NOS1AP: variants seen among roughly 807,000 people sequenced by gnomAD.
The protein encoded by NOS1AP is carboxyl-terminal PDZ ligand of neuronal nitric oxide synthase protein.
NOS1AP carries 21 observed loss-of-function variants against 56.2 expected under a neutral mutation model. The ratio of observed to expected loss-of-function variants is 0.37; its 90% CI spans 0.26 to 0.54. NOS1AP has a LOEUF of 0.54. NOS1AP is among the 20% of genes least tolerant of loss of function. The pLI is 0.84. For missense variants in NOS1AP, 522 were observed against 657.8 expected, an observed-to-expected ratio of 0.79 and a Z score of 2.26; for synonymous variants, 270 against 274.6, an observed-to-expected ratio of 0.98 and a Z score of 0.17.
At chr1:162,297,009 G>A (rs1655487694) in intron 3 of NOS1AP, among the ~76,000 whole-genome samples, 1 of 152,184 alleles carries the variant, frequency 6.6e-6, no homozygotes, top group Non-Finnish European at 1.5e-5. Flanking sequence ...TCAATGATTG[G>A]GTGATTTAAT....
intron 2 of NOS1AP, among the ~76,000 whole-genome samples, chr1:162,221,534 GCACACACACACACA>G (rs35920520): frequency 2.7e-5 from 2 of 73,396 alleles, no homozygotes; most frequent in African/African-American, 6.7e-5. Context: ...ACACACGCGC[GCACACACACACACA>G]CACACACACA....
intron 2 of NOS1AP, among the ~76,000 whole-genome samples, chr1:162,242,577 G>A (rs752405418): frequency 3.3e-5 from 5 of 152,160 alleles, no homozygotes; most frequent in Non-Finnish European, 4.4e-5. Context: ...TGCAGCCCTA[G>A]CCAACATCTT....
intron 6 of NOS1AP, among the ~76,000 whole-genome samples, chr1:162,346,540 C>T (rs1193819998): frequency 6.6e-6 from 1 of 152,144 alleles, no homozygotes; most frequent in Non-Finnish European, 1.5e-5. Flanking sequence ...TATGTATACA[C>T]ATGCATGCAC....
intron 5 of NOS1AP, among the ~76,000 whole-genome samples, chr1:162,335,944 A>G (rs145347335): frequency 2.4e-4 from 37 of 152,216 alleles, no homozygotes; most frequent in African/African-American, 8.4e-4. Context: ...CTCTGTACCT[A>G]TGGATCTTCC....
chr1:162,305,508 T>C (rs1655797149), intron 4 of NOS1AP, among the ~76,000 whole-genome samples: 1 of 152,188 alleles, frequency 6.6e-6, no homozygotes, highest in Non-Finnish European at 1.5e-5. Flanking sequence ...TTGTTTTCCA[T>C]TTATCCTAGC....
intron 2 of NOS1AP, among the ~76,000 whole-genome samples, chr1:162,225,543 T>G (rs555304139): frequency 2.0e-4 from 30 of 152,300 alleles, no homozygotes; most frequent in African/African-American, 7.0e-4. Context: ...TTTTTGAATA[T>G]TATAAATTAA....
chr1:162,197,862 G>A (rs995445198), intron 2 of NOS1AP, among the ~76,000 whole-genome samples: 3 of 152,342 alleles, frequency 2.0e-5, no homozygotes, highest in Non-Finnish European at 4.4e-5. Context: ...TGGCCCTGCC[G>A]CACTATCCTC....
chr1:162,136,029 T>C (rs1459431332), intron 1 of NOS1AP, among the ~76,000 whole-genome samples: 1 of 152,220 alleles, frequency 6.6e-6, no homozygotes, highest in Admixed American at 6.5e-5. Context: ...GTGAAAGCTA[T>C]GTTATAGAAG....
chr1:162,361,987 G>C (rs893478413), intron 8 of NOS1AP, among the ~76,000 whole-genome samples: 1 of 152,170 alleles, frequency 6.6e-6, no homozygotes, highest in Non-Finnish European at 1.5e-5. Flanking sequence ...ATTATCAACT[G>C]TCTCAGCCTC....
chr1:162,198,233 G>A (rs2102163009), intron 2 of NOS1AP, among the ~76,000 whole-genome samples: 1 of 152,358 alleles, frequency 6.6e-6, no homozygotes, highest in Non-Finnish European at 1.5e-5. Flanking sequence ...GAGTTGTCAG[G>A]ACTATAATCT....
At chr1:162,234,755 C>T (rs1440054761) in intron 2 of NOS1AP, among the ~76,000 whole-genome samples, 2 of 152,184 alleles carry the variant, frequency 1.3e-5, no homozygotes, top group East Asian at 3.8e-4. Flanking sequence ...TGGGTTTTCA[C>T]AGTGCTCTGT....
intron 2 of NOS1AP, among the ~76,000 whole-genome samples, chr1:162,267,135 A>G (rs1654448733): frequency 6.6e-6 from 1 of 152,212 alleles, no homozygotes; most frequent in Non-Finnish European, 1.5e-5. Context: ...AAAGAAAGAG[A>G]ACCATGTATG....
At chr1:162,161,979 G>A (rs1002223030) in intron 2 of NOS1AP, among the ~76,000 whole-genome samples, 4 of 152,178 alleles carry the variant, frequency 2.6e-5, no homozygotes, top group African/African-American at 9.7e-5. Flanking sequence ...TTCTCAGAAT[G>A]GATTCTGTGG....
intron 5 of NOS1AP, among the ~76,000 whole-genome samples, chr1:162,341,725 T>C (rs1254148972): frequency 6.6e-6 from 1 of 152,170 alleles, no homozygotes; most frequent in Admixed American, 6.5e-5. Context: ...CTTACTCTCA[T>C]AAAAGGAATA....
At chr1:162,134,539 G>A (rs186093086) in intron 1 of NOS1AP, among the ~76,000 whole-genome samples, 221 of 149,716 alleles carry the variant, frequency 1.5e-3, no homozygotes, top group Non-Finnish European at 2.8e-3. Context: ...GGGGAGGAGA[G>A]GAAGGAGAGT....
chr1:162,090,475 G>A (rs1000708858), intron 1 of NOS1AP, among the ~76,000 whole-genome samples: 13 of 151,574 alleles, frequency 8.6e-5, no homozygotes, highest in Non-Finnish European at 1.5e-5. Context: ...GTTTCAAATA[G>A]TTTTTTTCCA....
intron 6 of NOS1AP, among the ~76,000 whole-genome samples, chr1:162,344,868 G>T (rs532522799): frequency 6.6e-6 from 1 of 152,158 alleles, no homozygotes; most frequent in South Asian, 2.1e-4. Context: ...AATTCAGCTA[G>T]AAAGTCAAAG....
chr1:162,229,897 A>G (rs1377034169), intron 2 of NOS1AP, among the ~76,000 whole-genome samples: 4 of 152,218 alleles, frequency 2.6e-5, no homozygotes, highest in Non-Finnish European at 4.4e-5. Flanking sequence ...ACACTTCTTC[A>G]GCAACTTTTT....
chr1:162,241,968 C>T (rs949624547), intron 2 of NOS1AP, among the ~76,000 whole-genome samples: 1 of 152,180 alleles, frequency 6.6e-6, no homozygotes, highest in Non-Finnish European at 1.5e-5. Context: ...TGTCATATCT[C>T]CACTGTAACA....
Sources: allele counts gnomAD v4.1 joint callset (sites outside exome capture counted in the v4.1 genomes callset), GRCh38; gene constraint gnomAD v4.1.1; transcripts MANE v1.5; gene names NCBI Gene and HGNC (gene_info 2026-07-23, HGNC 2026-07-21).